The following MKLN1 variants were observed in gnomAD, a reference collection of about 807,000 sequenced individuals.
MKLN1 encodes muskelin.
Under a neutral mutation model 99.0 loss-of-function variants are expected in MKLN1, and 18 were observed. The ratio of observed to expected loss-of-function variants is 0.18; its 90% CI spans 0.13 to 0.27. MKLN1 has a LOEUF of 0.27. Among genes scored for constraint, MKLN1 ranks in the 10% least tolerant of loss-of-function variants. MKLN1 has a pLI of 1.00. For missense variants in MKLN1, 621 were observed against 875.9 expected (o/e 0.71, Z 3.67); for synonymous variants, 288 against 293.2 (o/e 0.98, Z 0.18).
rs563150034 is a variant in MKLN1 at position 131,494,564 on chromosome 7, T to C, written c.*6836T>C. ...GGAAGATAAATTTATTAAAGAGTCA[T>C]GTACTGATCTTTTTCTTGGGATTTT... On this transcript the variant is annotated 3_prime_UTR_variant, in exon 18 of 18. Coordinates refer to ENST00000352689, the MANE Select transcript of MKLN1 (RefSeq NM_013255.5). The C allele has an allele frequency of 6.6e-6, 1 of 152,314 alleles. No homozygotes were observed. The highest frequency in any genetic ancestry group is 6.5e-5 in the Admixed American group (1 of 15,298). The allele number at this position is 152,314 out of a possible 1,614,324, so 9.4% of individuals were successfully genotyped here. A position where few individuals can be genotyped will look rare whatever the true frequency, so the allele number is the denominator to read the frequency against.
At chr7:131,425,806 T>C (rs1795342692) in intron 8 of MKLN1, among the ~76,000 whole-genome samples, 3 of 152,220 alleles carry the variant, frequency 2.0e-5, no homozygotes, top group Admixed American at 2.0e-4. Flanking sequence ...ATTAATGCTT[T>C]CTTTTTTCTT....
intron 3 of MKLN1, among the ~76,000 whole-genome samples, chr7:131,304,228 G>A (rs1321232586): frequency 6.6e-6 from 1 of 152,132 alleles, no homozygotes; most frequent in African/African-American, 2.4e-5. Context: ...TAAATTAGCT[G>A]GAGGAAGTGG....
intron 3 of MKLN1, among the ~76,000 whole-genome samples, chr7:131,286,780 A>G (rs777108650): frequency 6.6e-6 from 1 of 152,252 alleles, no homozygotes; most frequent in African/African-American, 2.4e-5. Context: ...ACTCAGGAGC[A>G]TATAGTTTGA....
chr7:131,156,801 G>A (rs551758269), intron 2 of MKLN1, among the ~76,000 whole-genome samples: 13 of 152,276 alleles, frequency 8.5e-5, no homozygotes, highest in African/African-American at 2.6e-4. Context: ...CCTGTACACA[G>A]CATCTGAGTG....
chr7:131,328,706 A>G (rs920179968), intron 1 of MKLN1, among the ~76,000 whole-genome samples: 1 of 152,218 alleles, frequency 6.6e-6, no homozygotes, highest in African/African-American at 2.4e-5. Flanking sequence ...CACGTTTCCC[A>G]GTCCGGAAAC....
intron 3 of MKLN1, among the ~76,000 whole-genome samples, chr7:131,264,502 TTTCAAAA>T (rs781351248): frequency 1.3e-5 from 2 of 152,168 alleles, no homozygotes; most frequent in Non-Finnish European, 2.9e-5. Flanking sequence ...ATAGTTTCAT[TTTCAAAA>T]GTAAGAATTT....
At chr7:131,275,567 ATTTTTTTTTTTT>A (rs869119196) in intron 3 of MKLN1, among the ~76,000 whole-genome samples, 2 of 5,618 alleles carry the variant, frequency 3.6e-4, no homozygotes, top group African/African-American at 4.0e-4. Context: ...ATATATATAT[ATTTTTTTTTTTT>A]TTTTTTTTTT....
intron 10 of MKLN1, among the ~76,000 whole-genome samples, chr7:131,442,915 G>T (rs1176484606): frequency 6.6e-6 from 1 of 152,246 alleles, no homozygotes; most frequent in African/African-American, 2.4e-5. Context: ...TATGTTAAAA[G>T]TAGGCAGAGT....
intron 2 of MKLN1, among the ~76,000 whole-genome samples, chr7:131,375,734 C>T (rs1201358993): frequency 3.3e-5 from 5 of 151,900 alleles, no homozygotes; most frequent in South Asian, 2.1e-4. Flanking sequence ...AGAACAGTTA[C>T]GCTCAAGTTA....
chr7:131,253,823 C>A (rs1797617464), intron 3 of MKLN1, among the ~76,000 whole-genome samples: 1 of 152,140 alleles, frequency 6.6e-6, no homozygotes, highest in Non-Finnish European at 1.5e-5. Flanking sequence ...TAATGAAAAG[C>A]AAGTAAGAAG....
At chr7:131,115,278 C>G (rs1446406109) in intron 1 of MKLN1, among the ~76,000 whole-genome samples, 3 of 152,166 alleles carry the variant, frequency 2.0e-5, no homozygotes, top group Non-Finnish European at 4.4e-5. Context: ...CCACCAATTG[C>G]TCAACACAAA....
chr7:131,125,898 C>T (rs950894000), intron 1 of MKLN1, among the ~76,000 whole-genome samples: 13 of 150,580 alleles, frequency 8.6e-5, no homozygotes, highest in African/African-American at 2.0e-4. Context: ...CCCAGCTACT[C>T]GGGAGGCTGA....
chr7:131,224,307 A>AAGCTATT (rs1446262441), intron 3 of MKLN1, among the ~76,000 whole-genome samples: 2 of 151,834 alleles, frequency 1.3e-5, no homozygotes, highest in South Asian at 2.1e-4. Flanking sequence ...GCACTTTGGG[A>AAGCTATT]GGCCAAGGTG....
chr7:131,345,053 G>T (rs913886444), intron 1 of MKLN1, among the ~76,000 whole-genome samples: 1 of 152,124 alleles, frequency 6.6e-6, no homozygotes, highest in Non-Finnish European at 1.5e-5. Flanking sequence ...CGATCCACCC[G>T]CCTTGGCCTC....
intron 3 of MKLN1, among the ~76,000 whole-genome samples, chr7:131,234,294 A>G (rs1797285241): frequency 6.6e-6 from 1 of 152,176 alleles, no homozygotes; most frequent in African/African-American, 2.4e-5. Context: ...TTTTCAAAAA[A>G]TAGTCTAAGA....
chr7:131,165,339 C>A (rs183491399), intron 2 of MKLN1, among the ~76,000 whole-genome samples: 1 of 152,240 alleles, frequency 6.6e-6, no homozygotes, highest in East Asian at 1.9e-4. Flanking sequence ...GCACGCGATA[C>A]CATGCCTGGC....
intron 3 of MKLN1, among the ~76,000 whole-genome samples, chr7:131,221,679 T>G (rs1240472533): frequency 6.7e-6 from 1 of 149,844 alleles, no homozygotes; most frequent in Non-Finnish European, 1.5e-5. Context: ...GGCTAATTTT[T>G]TTTTTTTTTT....
Position 131,487,789 on chromosome 7 carries a change from C to G in MKLN1, c.*61C>G. 1 of 1,574,146 alleles carries G rather than the reference C, an allele frequency of 6.4e-7. No individual in the cohort carries two copies. The highest frequency in any genetic ancestry group is 8.6e-7 in the Non-Finnish European group (1 of 1,156,734). On this transcript the variant is annotated 3_prime_UTR_variant, in exon 18 of 18. Coordinates refer to ENST00000352689, the MANE Select transcript of MKLN1 (RefSeq NM_013255.5). This position sits in a 1 kb window ranked among gnomAD's most constrained non-coding sequence, Gnocchi z 4.7. Reference sequence around the variant, plus strand: ...AGTCGATTTTCCGTCTTTTGGATTGCAGCTCCACTGACTGACAGTAAAGCT... The same window carrying G: ...AGTCGATTTTCCGTCTTTTGGATTGGAGCTCCACTGACTGACAGTAAAGCT...
At chr7:131,476,912 G>A (rs1796983277) in intron 16 of MKLN1, among the ~76,000 whole-genome samples, 1 of 152,184 alleles carries the variant, frequency 6.6e-6, no homozygotes, top group Non-Finnish European at 1.5e-5. Flanking sequence ...CAACAGAATA[G>A]AGTCCAGAAG....
Sources: gnomAD v4.1 joint callset for allele counts (sites outside exome capture counted in the v4.1 genomes callset) on GRCh38, gnomAD v4.1.1 for gene constraint, Gnocchi (gnomAD v3.1) non-coding constraint, MANE v1.5 for transcripts, NCBI Gene and HGNC (gene_info 2026-07-23, HGNC 2026-07-21) for gene names.